DGKB: variants seen among roughly 807,000 people sequenced by gnomAD.
The protein encoded by DGKB is diacylglycerol kinase beta.
DGKB carries 67 observed loss-of-function variants against 114.3 expected under a neutral mutation model. That is an observed-to-expected ratio of 0.59 (90% CI 0.48 to 0.72). The LOEUF (loss-of-function observed/expected upper bound fraction) is 0.72, where lower values mean the gene tolerates loss of function less well. Among genes scored for constraint, DGKB ranks in the 30% least tolerant of loss-of-function variants. The pLI is 0.00. For synonymous variants in DGKB, 398 were observed against 323.1 expected (o/e 1.23, Z -2.49); for missense variants, 907 against 975.2 (o/e 0.93, Z 0.93).
At chr7:14,556,776 C>G (rs78278028) in intron 20 of DGKB, among the ~76,000 whole-genome samples, 2,320 of 152,112 alleles carry the variant, frequency 0.015, 28 homozygotes, top group Non-Finnish European at 0.023. Flanking sequence ...CATTTATATT[C>G]ACATGTAAAT....
chr7:14,954,911 T>G (rs73679595), intron 1 of DGKB, among the ~76,000 whole-genome samples: 1,806 of 152,048 alleles, frequency 0.012, 43 homozygotes, highest in African/African-American at 0.042. Flanking sequence ...TTTTTCCAAA[T>G]CAATGACAAA....
intron 13 of DGKB, among the ~76,000 whole-genome samples, chr7:14,669,121 T>G (rs1265849471): frequency 6.6e-6 from 1 of 152,182 alleles, no homozygotes; most frequent in Non-Finnish European, 1.5e-5. Context: ...CTCTAGCTAA[T>G]GACCCAGGTT....
At chr7:14,784,622 C>T (rs1839607455) in intron 2 of DGKB, among the ~76,000 whole-genome samples, 1 of 152,146 alleles carries the variant, frequency 6.6e-6, no homozygotes, top group Admixed American at 6.5e-5. Context: ...AGCAATCTGC[C>T]CACCTCAGCC....
chr7:14,769,709 T>G lies in DGKB; in HGVS notation c.71-11978A>C, dbSNP rs1000988211. 6.6e-5 allele frequency among the ~76,000 whole-genome samples: 10 copies of G among 152,124 alleles called. 1 individual carries two copies. In the Middle Eastern group the frequency reaches 0.014, roughly 207 times the overall value. On this transcript the variant is annotated intron_variant, in intron 2 of 25. Transcript: ENST00000402815. The stretch of plus-strand genomic sequence containing the variant: ...TGAAATCAAGGTGTCAGCAGGGTTG[T>G]TTTTTTCTGAAGGCTCTCATAGGAA...
chr7:14,798,305 T>C (rs1841691255), intron 2 of DGKB, among the ~76,000 whole-genome samples: 2 of 152,288 alleles, frequency 1.3e-5, no homozygotes, highest in South Asian at 4.1e-4. Flanking sequence ...CTGTTTCCTA[T>C]CGCTATCAAT....
At chr7:14,553,888 T>TTTC (rs1795479364) in intron 20 of DGKB, among the ~76,000 whole-genome samples, 1 of 138,828 alleles carries the variant, frequency 7.2e-6, no homozygotes, top group Admixed American at 7.3e-5. Context: ...TTTTTTTTTT[T>TTTC]TTGAGACGGA....
intron 5 of DGKB, among the ~76,000 whole-genome samples, chr7:14,720,748 C>T (rs73272168): frequency 0.011 from 1,604 of 151,006 alleles, 26 homozygotes; most frequent in African/African-American, 0.036. Context: ...ATATTGTAAA[C>T]GGAATTTCCT....
intron 20 of DGKB, among the ~76,000 whole-genome samples, chr7:14,557,365 T>G (rs1796019889): frequency 6.6e-6 from 1 of 152,308 alleles, no homozygotes; most frequent in South Asian, 2.1e-4. Context: ...GCTGTGTATT[T>G]ATTTCTTTCT....
intron 23 of DGKB, among the ~76,000 whole-genome samples, chr7:14,224,467 T>A (rs1236954001): frequency 1.3e-5 from 2 of 152,054 alleles, no homozygotes; most frequent in Admixed American, 1.3e-4. Context: ...GAAGGCTTTG[T>A]CTGTTTAACT....
chr7:14,666,563 C>T (rs1236110086), intron 13 of DGKB, among the ~76,000 whole-genome samples: 1 of 151,986 alleles, frequency 6.6e-6, no homozygotes, highest in Non-Finnish European at 1.5e-5. Context: ...AAAGGCAGAA[C>T]ATCTGTTTTG....
intron 23 of DGKB, among the ~76,000 whole-genome samples, chr7:14,189,503 G>C (rs1212838786): frequency 1.3e-5 from 2 of 151,908 alleles, no homozygotes; most frequent in African/African-American, 4.8e-5. Context: ...AAGAAATAAG[G>C]AATCTACAAG....
chr7:14,510,537 C>T (rs1010763445), intron 20 of DGKB, among the ~76,000 whole-genome samples: 1 of 152,108 alleles, frequency 6.6e-6, no homozygotes, highest in Non-Finnish European at 1.5e-5. Flanking sequence ...GCAGTTACTT[C>T]CTCCACTGAA....
At chr7:14,694,270 G>C in intron 8 of DGKB, 76 bp from the exon 9 acceptor site, 1 of 1,283,620 alleles carries the variant, frequency 7.8e-7, no homozygotes, top group East Asian at 2.5e-5. Context: ...ATATGAAATT[G>C]TGACTAACAG....
intron 21 of DGKB, among the ~76,000 whole-genome samples, chr7:14,346,042 T>C (rs1812420712): frequency 6.6e-6 from 1 of 151,570 alleles, no homozygotes; most frequent in Non-Finnish European, 1.5e-5. Context: ...TATTTGATTA[T>C]GCATAATTCT....
chr7:14,323,655 A>G (rs761248126), intron 23 of DGKB, among the ~76,000 whole-genome samples: 2 of 152,352 alleles, frequency 1.3e-5, no homozygotes, highest in South Asian at 2.1e-4. Flanking sequence ...GAGAATATCA[A>G]TGCAAAGGCT....
chr7:14,913,665 C>T (rs889777152), intron 1 of DGKB, among the ~76,000 whole-genome samples: 2 of 151,674 alleles, frequency 1.3e-5, no homozygotes, highest in African/African-American at 4.8e-5. Context: ...GAAAATGACA[C>T]GGAAGTTTTT....
At chr7:14,261,085 T>C (rs1796705298) in intron 23 of DGKB, among the ~76,000 whole-genome samples, 1 of 152,026 alleles carries the variant, frequency 6.6e-6, no homozygotes, top group Non-Finnish European at 1.5e-5. Flanking sequence ...TAAGAAAACA[T>C]AAAAAAATTA....
In DGKB at chr7:14,757,729, A is replaced by G; in HGVS notation, c.73T>C (p.Ser25Pro). ...FSQLQKYAEYSTKKLKDVLEE... is the reference protein window; with the variant it reads ...FSQLQKYAEYPTKKLKDVLEE... ...AGAACATCCTTTAATTTCTTTGTAG[A>G]ATCTATAAAAAACAGAAAACACAAA... is the stretch of plus-strand genomic sequence containing the variant. The change falls in exon 3 of 26, where the codon TCT becomes CCT. Residue 25 changes from serine (S) to proline (P), a missense_variant and splice_region_variant. Ser to Pro is a moderately conservative substitution (Grantham distance 74, BLOSUM62 -1). Coordinates refer to ENST00000402815, the MANE Select transcript of DGKB (RefSeq NM_001350709.2). 1 of 1,589,506 alleles carries G rather than the reference A, an allele frequency of 6.3e-7. No homozygotes were observed. The highest frequency in any genetic ancestry group is 8.6e-7 in the Non-Finnish European group (1 of 1,160,110).
At chr7:14,768,554 A>G (rs997682160) in intron 2 of DGKB, among the ~76,000 whole-genome samples, 1 of 146,572 alleles carries the variant, frequency 6.8e-6, no homozygotes, top group African/African-American at 2.7e-5. Flanking sequence ...CAAATTCCCC[A>G]ATGGTATCAG....
Sources: allele counts gnomAD v4.1 joint callset (sites outside exome capture counted in the v4.1 genomes callset), GRCh38; gene constraint gnomAD v4.1.1; transcripts MANE v1.5; gene names NCBI Gene and HGNC (gene_info 2026-07-23, HGNC 2026-07-21).